Variants in TMEM117 observed in about 807,000 individuals in gnomAD.
TMEM117 encodes the protein transmembrane protein 117.
TMEM117 carries 27 observed loss-of-function variants against 52.4 expected under a neutral mutation model. That is an observed-to-expected ratio of 0.51 (90% CI 0.38 to 0.71). The LOEUF (loss-of-function observed/expected upper bound fraction) is 0.71, where lower values mean the gene tolerates loss of function less well. TMEM117 is among the 30% of genes least tolerant of loss of function. The pLI is 0.00. For synonymous variants in TMEM117, 215 were observed against 206.3 expected (o/e 1.04, Z -0.36); for missense variants, 556 against 630.5 (o/e 0.88, Z 1.26).
chr12:43,908,733 A>T lies in TMEM117; in HGVS notation c.278-35477A>T, dbSNP rs573075317. Among the ~76,000 whole-genome samples the T allele has an allele frequency of 7.9e-5, 12 of 152,284 alleles. No homozygotes were observed. In the East Asian group the frequency reaches 2.1e-3, roughly 27 times the overall value. Reference sequence around the variant, plus strand: ...TAAAACAGGCTTTAAGCCAAAAAAGATCAAAACAGACAAAGAAGGCCATTA... The same window carrying T: ...TAAAACAGGCTTTAAGCCAAAAAAGTTCAAAACAGACAAAGAAGGCCATTA... On this transcript the variant is annotated intron_variant, in intron 2 of 7. Coordinates refer to ENST00000266534, the MANE Select transcript of TMEM117 (RefSeq NM_032256.3).
chr12:44,102,044 C>T (rs1349819459), intron 3 of TMEM117, among the ~76,000 whole-genome samples: 1 of 151,794 alleles, frequency 6.6e-6, no homozygotes, highest in Non-Finnish European at 1.5e-5. Context: ...GGAGGATACT[C>T]AGGAAACCGA....
chr12:44,244,237 A>G (rs970902253), intron 5 of TMEM117, among the ~76,000 whole-genome samples: 7 of 151,936 alleles, frequency 4.6e-5, no homozygotes, highest in Non-Finnish European at 1.0e-4. Context: ...TTGCATTCCC[A>G]CCAACAGTGT....
At chr12:44,067,103 G>T (rs186737038) in intron 3 of TMEM117, among the ~76,000 whole-genome samples, 8,028 of 152,222 alleles carry the variant, frequency 0.053, 270 homozygotes, top group South Asian at 0.084. Context: ...TCATCTGTTA[G>T]TTTTATCATG....
In TMEM117 at chr12:43,844,917, A is replaced by G. The variant is rs368135513; in HGVS notation, c.266A>G (p.Gln89Arg). ...GLIAGKFLFH[Q>R]RLFGQLLRLK... ...ATAGCTGGCAAATTTCTGTTCCATCAGCGTTTGTTTGGTAAGTACCATGAC... is the reference window on the plus strand; with the variant it reads ...ATAGCTGGCAAATTTCTGTTCCATCGGCGTTTGTTTGGTAAGTACCATGAC... Residue 89 changes from glutamine (Q) to arginine (R), a missense_variant, in exon 2 of 8, where the codon CAG becomes CGG. Physicochemically the swap from Gln to Arg is conservative, Grantham distance 43. Coordinates refer to ENST00000266534, the MANE Select transcript of TMEM117 (RefSeq NM_032256.3). The G allele has an allele frequency of 2.5e-6, 4 of 1,613,012 alleles. No individual in the cohort carries two copies. The South Asian group carries it at 3.3e-5, about 13-fold the overall frequency.
At chr12:44,205,163 G>T (rs1246747907) in intron 4 of TMEM117, among the ~76,000 whole-genome samples, 9 of 152,164 alleles carry the variant, frequency 5.9e-5, no homozygotes, top group Non-Finnish European at 8.8e-5. Context: ...ACCTTGAATT[G>T]TAATAACCCT....
intron 4 of TMEM117, among the ~76,000 whole-genome samples, chr12:44,165,480 A>G (rs78588111): frequency 0.03 from 4,575 of 152,330 alleles, 108 homozygotes; most frequent in Admixed American, 0.044. Context: ...CAGCCTAAAG[A>G]AATTTATTTC....
chr12:43,979,557 T>C (rs1358888855), intron 3 of TMEM117, among the ~76,000 whole-genome samples: 1 of 152,170 alleles, frequency 6.6e-6, no homozygotes, highest in Non-Finnish European at 1.5e-5. Flanking sequence ...GCAAGGGGAA[T>C]AGTATAAAAG....
intron 6 of TMEM117, among the ~76,000 whole-genome samples, chr12:44,320,455 A>G (rs185966754): frequency 1.3e-5 from 2 of 152,320 alleles, no homozygotes; most frequent in African/African-American, 4.8e-5. Context: ...CATGTCATCT[A>G]TACAAGGCCT....
intron 6 of TMEM117, among the ~76,000 whole-genome samples, chr12:44,369,223 C>T (rs1368663993): frequency 1.3e-5 from 2 of 152,128 alleles, no homozygotes; most frequent in Admixed American, 1.3e-4. Context: ...CATCAGTCTG[C>T]CAGGGCAAGA....
chr12:44,132,216 C>G (rs977251186), intron 3 of TMEM117, among the ~76,000 whole-genome samples: 1 of 145,308 alleles, frequency 6.9e-6, no homozygotes, highest in Non-Finnish European at 1.5e-5. Flanking sequence ...GATGAAACTT[C>G]TGTCTTTAAC....
chr12:44,384,361 G>A (rs2138868393), intron 7 of TMEM117, among the ~76,000 whole-genome samples: 1 of 152,178 alleles, frequency 6.6e-6, no homozygotes, highest in Admixed American at 6.5e-5. Flanking sequence ...GGGAGAAGAA[G>A]GGAAATGTGA....
intron 2 of TMEM117, among the ~76,000 whole-genome samples, chr12:43,912,185 A>AT (rs1387282730): frequency 6.7e-6 from 1 of 149,750 alleles, no homozygotes; most frequent in Admixed American, 6.7e-5. Flanking sequence ...GGATGAGTTC[A>AT]TGTCCTTTGT....
chr12:43,802,869 A>T, the TMEM117 span, among the ~76,000 whole-genome samples: 1 of 152,208 alleles, frequency 6.6e-6, no homozygotes, highest in Non-Finnish European at 1.5e-5. Context: ...TGAATTGTAC[A>T]GTAAGAAATA....
chr12:44,158,500 A>G (rs1463782642), intron 4 of TMEM117, among the ~76,000 whole-genome samples: 2 of 152,186 alleles, frequency 1.3e-5, no homozygotes, highest in Non-Finnish European at 2.9e-5. Context: ...ATGGCTAAAA[A>G]TATAGTTTGA....
intron 7 of TMEM117, 138 bp from the exon 8 acceptor site, chr12:44,387,887 AC>A (rs1785512901): frequency 1.5e-5 from 12 of 808,212 alleles, no homozygotes; most frequent in Non-Finnish European, 2.1e-5. Context: ...GCAGCACAGC[AC>A]TCTCAAAATA....
chr12:44,243,451 T>C (rs1950089263), intron 5 of TMEM117, among the ~76,000 whole-genome samples: 1 of 151,888 alleles, frequency 6.6e-6, no homozygotes, highest in African/African-American at 2.4e-5. Context: ...AAATAAATAA[T>C]AACTAAAGTA....
chr12:43,917,124 G>A (rs1035376368), intron 2 of TMEM117, among the ~76,000 whole-genome samples: 1 of 137,328 alleles, frequency 7.3e-6, no homozygotes, highest in Non-Finnish European at 1.6e-5. Flanking sequence ...TGGGCAGAGT[G>A]GCTCATGCCT....
chr12:44,273,631 A>T (rs1950476764), intron 5 of TMEM117, among the ~76,000 whole-genome samples: 1 of 152,152 alleles, frequency 6.6e-6, no homozygotes, highest in Non-Finnish European at 1.5e-5. Context: ...ACCAAGTGGG[A>T]TTTAGCCCTG....
At chr12:43,895,195 G>T (rs1265358907) in intron 2 of TMEM117, among the ~76,000 whole-genome samples, 1 of 152,098 alleles carries the variant, frequency 6.6e-6, no homozygotes, top group African/African-American at 2.4e-5. Context: ...TCCTTTTTAT[G>T]TGTCGATGTG....
Sources: allele counts gnomAD v4.1 joint callset (sites outside exome capture counted in the v4.1 genomes callset), GRCh38; gene constraint gnomAD v4.1.1; transcripts MANE v1.5; gene names NCBI Gene and HGNC (gene_info 2026-07-23, HGNC 2026-07-21).